The following TCEANC2 variants were observed in gnomAD, a reference collection of about 807,000 sequenced individuals.
TCEANC2 encodes transcription elongation factor A N-terminal and central domain containing 2, also known as transcription elongation factor A N-terminal and central domain-containing protein 2.
Under a neutral mutation model 22.8 loss-of-function variants are expected in TCEANC2, and 20 were observed. The ratio of observed to expected loss-of-function variants is 0.88; its 90% CI spans 0.62 to 1.28. TCEANC2 has a LOEUF of 1.28. Ranked by LOEUF, TCEANC2 falls within the 50% of genes most tolerant of loss-of-function variation. The pLI is 0.00. For synonymous variants in TCEANC2, 84 were observed against 95.5 expected, an observed-to-expected ratio of 0.88 and a Z score of 0.70; for missense variants, 251 against 249.7, an observed-to-expected ratio of 1.01 and a Z score of -0.03.
intron 2 of TCEANC2, among the ~76,000 whole-genome samples, chr1:54,066,464 T>C (rs764090624): frequency 1.3e-5 from 2 of 152,056 alleles, no homozygotes; most frequent in Non-Finnish European, 2.9e-5. Flanking sequence ...CTATGTAAAG[T>C]GTAATGACCC....
In TCEANC2 at chr1:54,068,892, G is replaced by A. The variant is rs1445124509; in HGVS notation, c.239G>A (p.Arg80Lys). The change falls in exon 3 of 5, where the codon AGG becomes AAG. Residue 80 changes from arginine to lysine, a missense_variant. Arg to Lys is a conservative substitution (Grantham distance 26). Transcript: ENST00000234827. ...IPSREVLKST[R>K]IGHTVNKMRK... The stretch of plus-strand genomic sequence containing the variant: ...TCCAGGGAAGTGTTAAAATCAACAA[G>A]GATAGGTATATTCCTTCTTAATTTT... 2 of 1,584,238 alleles carry A rather than the reference G, an allele frequency of 1.3e-6. No individual in the cohort carries two copies. Among genetic ancestry groups the A allele is most frequent in the Non-Finnish European group, 1.7e-6 (2 of 1,171,710 alleles).
chr1:54,073,019 G>A (rs1207861188), intron 3 of TCEANC2, among the ~76,000 whole-genome samples: 9 of 152,056 alleles, frequency 5.9e-5, no homozygotes, highest in African/African-American at 1.9e-4. Context: ...AAGCCGGAGT[G>A]CAGTGGCACA....
intron 4 of TCEANC2, among the ~76,000 whole-genome samples, chr1:54,094,333 G>A (rs887001826): frequency 6.6e-6 from 1 of 152,150 alleles, no homozygotes; most frequent in Non-Finnish European, 1.5e-5. Context: ...TAAATGTCAG[G>A]TGACCCCTTT....
At chr1:54,095,670 G>A (rs78285524) in intron 4 of TCEANC2, among the ~76,000 whole-genome samples, 127 of 152,282 alleles carry the variant, frequency 8.3e-4, no homozygotes, top group African/African-American at 3.0e-3. Context: ...CTCTCGGAAT[G>A]TTGAAGGGGC....
At chr1:54,071,976 T>C (rs1047147243) in intron 3 of TCEANC2, among the ~76,000 whole-genome samples, 2 of 151,966 alleles carry the variant, frequency 1.3e-5, no homozygotes, top group African/African-American at 4.8e-5. Flanking sequence ...CACATCCAGC[T>C]AATGTTTGTA....
At chr1:54,071,607 A>G (rs1658056418) in intron 3 of TCEANC2, among the ~76,000 whole-genome samples, 1 of 152,164 alleles carries the variant, frequency 6.6e-6, no homozygotes, top group Admixed American at 6.5e-5. Flanking sequence ...CAGTTTTGTC[A>G]TATGCTATTG....
intron 3 of TCEANC2, among the ~76,000 whole-genome samples, chr1:54,074,569 AT>A (rs1658113751): frequency 1.3e-5 from 2 of 152,238 alleles, no homozygotes; most frequent in South Asian, 4.1e-4. Context: ...TTAAGGACTT[AT>A]AGAAGAAACC....
At chr1:54,058,126 G>T (rs1657787117) in intron 2 of TCEANC2, among the ~76,000 whole-genome samples, 1 of 152,180 alleles carries the variant, frequency 6.6e-6, no homozygotes, top group South Asian at 2.1e-4. Flanking sequence ...TGAAATTTGA[G>T]TGAGTCAACA....
At position 54,104,683 on chromosome 1, in the gene TCEANC2, AG is replaced by A. The variant is rs1217624521; in HGVS notation, c.*8212del. Reference sequence around the variant, plus strand: ...CAGCCTCCCGAGTAACTGGGATTACAGGCATGTGCCACCATGCCCAGCTGAT... The same window carrying A: ...CAGCCTCCCGAGTAACTGGGATTACAGCATGTGCCACCATGCCCAGCTGAT... On this transcript the variant is annotated 3_prime_UTR_variant, in exon 5 of 5. Coordinates refer to ENST00000234827, the MANE Select transcript of TCEANC2 (RefSeq NM_153035.3). 1.1e-4 allele frequency: 48 copies of A among 428,528 alleles called. No individual in the cohort carries two copies. The highest frequency in any genetic ancestry group is 9.1e-4 in the African/African-American group (45 of 49,292). 26.5% of individuals were successfully genotyped at this position (428,528 alleles called of 1,614,324 possible).
rs61687936 is a variant in TCEANC2 at position 54,102,858 on chromosome 1, C to A, written c.*6385C>A. On this transcript the variant is annotated 3_prime_UTR_variant, in exon 5 of 5. Transcript: ENST00000234827. ...CTTGAAAGACAGCAGAGTGGGGAGTCCTTCTAGTGGGCATAGGTTGTGCAT... is the reference window on the plus strand; with the variant it reads ...CTTGAAAGACAGCAGAGTGGGGAGTACTTCTAGTGGGCATAGGTTGTGCAT... 13,796 of 152,410 alleles carry A rather than the reference C, an allele frequency of 0.091. 1,449 individuals are homozygous for A. The highest frequency in any genetic ancestry group is 0.26 in the African/African-American group (10,792 of 41,546). The allele number at this position is 152,410 out of a possible 1,614,324, so 9.4% of individuals were successfully genotyped here.
chr1:54,054,450 A>G lies in TCEANC2; in HGVS notation c.28A>G (p.Arg10Gly), dbSNP rs968953779. Residue 10 changes from arginine to glycine, a missense_variant, in exon 2 of 5, where the codon AGA becomes GGA. Physicochemically the swap from Arg to Gly is moderately radical, Grantham distance 125. Transcript: ENST00000234827. ...GGATAAATTCGTCATTCGAACGCCT[A>G]GAATCCAGAATAGCCCTCAGAAGAA... MDKFVIRTP[R>G]IQNSPQKKDS... The G allele has an allele frequency of 4.3e-6, 7 of 1,614,174 alleles. No individual in the cohort carries two copies. Among genetic ancestry groups the G allele is most frequent in the Non-Finnish European group, 5.9e-6 (7 of 1,180,032 alleles).
In TCEANC2 at chr1:54,103,713, G is replaced by T. The variant is rs1182869308; in HGVS notation, c.*7240G>T. 3.3e-5 allele frequency: 5 copies of T among 152,162 alleles called. No homozygotes were observed. The highest frequency in any genetic ancestry group is 1.5e-5 in the Non-Finnish European group (1 of 68,052). The allele number at this position is 152,162 out of a possible 1,614,324, so 9.4% of individuals were successfully genotyped here. A position where few individuals can be genotyped will look rare whatever the true frequency, so the allele number is the denominator to read the frequency against. On this transcript the variant is annotated 3_prime_UTR_variant, in exon 5 of 5. Coordinates refer to ENST00000234827, the MANE Select transcript of TCEANC2 (RefSeq NM_153035.3). Reference sequence around the variant, plus strand: ...ACCTAGATATAGCTCCATCCCTTGAGAACAACCAGCAGCCACTTGGGAAGT... The same window carrying T: ...ACCTAGATATAGCTCCATCCCTTGATAACAACCAGCAGCCACTTGGGAAGT...
At chr1:54,085,991 C>T (rs575801692) in intron 3 of TCEANC2, among the ~76,000 whole-genome samples, 4 of 152,262 alleles carry the variant, frequency 2.6e-5, no homozygotes, top group Admixed American at 1.3e-4. Flanking sequence ...ATCTTGGCAT[C>T]GCAAAGTGTT....
downstream of TCEANC2, among the ~76,000 whole-genome samples, chr1:54,106,795 A>G (rs1658763304): frequency 6.6e-6 from 1 of 152,190 alleles, no homozygotes. Flanking sequence ...TATATACCCA[A>G]TTTAGAGAGA....
chr1:54,095,438 CT>C (rs1658526827), intron 4 of TCEANC2, among the ~76,000 whole-genome samples: 1 of 152,072 alleles, frequency 6.6e-6, no homozygotes, highest in African/African-American at 2.4e-5. Flanking sequence ...GAAGATGGGC[CT>C]GGAAAGGAGG....
At chr1:54,055,705 A>G (rs1657739704) in intron 2 of TCEANC2, among the ~76,000 whole-genome samples, 1 of 152,220 alleles carries the variant, frequency 6.6e-6, no homozygotes, top group Non-Finnish European at 1.5e-5. Context: ...TGAGTACTTG[A>G]CATATACTCA....
chr1:54,100,029 A>G lies in TCEANC2; in HGVS notation c.*3556A>G, dbSNP rs1172197424. ...TGAGGCAGGCGGATCACTTGAGGTCAGGAGTTTGAGACCAACCTGGCCAAC... is the reference window on the plus strand; with the variant it reads ...TGAGGCAGGCGGATCACTTGAGGTCGGGAGTTTGAGACCAACCTGGCCAAC... On this transcript the variant is annotated 3_prime_UTR_variant, in exon 5 of 5. Coordinates refer to ENST00000234827, the MANE Select transcript of TCEANC2 (RefSeq NM_153035.3). 1 of 152,124 alleles carries G rather than the reference A, an allele frequency of 6.6e-6. No individual in the cohort carries two copies. The highest frequency in any genetic ancestry group is 2.4e-5 in the African/African-American group (1 of 41,404). The allele number at this position is 152,124 out of a possible 1,614,324, so 9.4% of individuals were successfully genotyped here.
At chr1:54,084,220 C>T (rs1006992732) in intron 3 of TCEANC2, among the ~76,000 whole-genome samples, 1 of 152,078 alleles carries the variant, frequency 6.6e-6, no homozygotes. Context: ...GCCATGTTGG[C>T]CAGGCTGGTC....
intron 4 of TCEANC2, among the ~76,000 whole-genome samples, chr1:54,094,498 C>T (rs1184315044): frequency 6.6e-6 from 1 of 152,168 alleles, no homozygotes; most frequent in Non-Finnish European, 1.5e-5. Context: ...AACTTCATTT[C>T]CTCTTGAAGC....
Sources: allele counts gnomAD v4.1 joint callset (sites outside exome capture counted in the v4.1 genomes callset), GRCh38; gene constraint gnomAD v4.1.1; transcripts MANE v1.5; gene names NCBI Gene and HGNC (gene_info 2026-07-23, HGNC 2026-07-21).